The following FHIT variants were observed in gnomAD, a reference collection of about 807,000 sequenced individuals.
FHIT encodes bis(5'-adenosyl)-triphosphatase.
In FHIT, 19 loss-of-function variants were observed where a neutral mutation model predicts 17.9. The ratio of observed to expected loss-of-function variants is 1.06; its 90% CI spans 0.74 to 1.56. The LOEUF is 1.56. Ranked by LOEUF, FHIT falls within the 40% of genes most tolerant of loss-of-function variation. The pLI, the probability that FHIT is intolerant of heterozygous loss-of-function variation, is 0.00. For synonymous variants in FHIT, 81 were observed against 69.7 expected (o/e 1.16, Z -0.81); for missense variants, 248 against 189.2 (o/e 1.31, Z -1.82).
At chr3:60,412,182 G>A (rs547842691) in intron 5 of FHIT, among the ~76,000 whole-genome samples, 2 of 152,170 alleles carry the variant, frequency 1.3e-5, no homozygotes, top group African/African-American at 2.4e-5. Flanking sequence ...TCAGTCTAGC[G>A]TGGGCAACAT....
intron 4 of FHIT, among the ~76,000 whole-genome samples, chr3:60,629,273 A>G (rs2039378733): frequency 6.6e-6 from 1 of 152,164 alleles, no homozygotes; most frequent in Non-Finnish European, 1.5e-5. Context: ...ACAGAGCTAC[A>G]TGAAAGGGAT....
At chr3:60,622,902 C>A (rs1248830534) in intron 4 of FHIT, among the ~76,000 whole-genome samples, 1 of 152,232 alleles carries the variant, frequency 6.6e-6, no homozygotes, top group African/African-American at 2.4e-5. Flanking sequence ...CTCCCAGGCT[C>A]CTGCACCCAA....
chr3:59,814,045 T>TACACACACACAC (rs144355020), intron 8 of FHIT, among the ~76,000 whole-genome samples: 14,357 of 146,692 alleles, frequency 0.098, 740 homozygotes, highest in South Asian at 0.16. Flanking sequence ...AATTTACACA[T>TACACACACACAC]ACACACACAC....
intron 7 of FHIT, among the ~76,000 whole-genome samples, chr3:59,962,417 G>A (rs1707730124): frequency 6.6e-6 from 1 of 152,128 alleles, no homozygotes; most frequent in African/African-American, 2.4e-5. Context: ...ATACTTTCCA[G>A]AATCACCTTA....
chr3:60,536,568 T>C (rs1308344534), intron 5 of FHIT: 2 of 289,346 alleles, frequency 6.9e-6, no homozygotes, highest in Non-Finnish European at 1.3e-5. Flanking sequence ...ATTTATTTAC[T>C]CAGCTATGGT....
intron 3 of FHIT, among the ~76,000 whole-genome samples, chr3:60,890,795 A>T (rs1705476337): frequency 6.6e-6 from 1 of 152,184 alleles, no homozygotes; most frequent in Non-Finnish European, 1.5e-5. Context: ...ATTCATGACT[A>T]CATAACATGG....
At chr3:60,148,485 T>C (rs2107322095) in intron 5 of FHIT, among the ~76,000 whole-genome samples, 1 of 152,324 alleles carries the variant, frequency 6.6e-6, no homozygotes, top group Non-Finnish European at 1.5e-5. Flanking sequence ...AATTTTAACT[T>C]TGGATATTTT....
At chr3:60,144,560 A>G (rs141835336) in intron 5 of FHIT, among the ~76,000 whole-genome samples, 215 of 152,266 alleles carry the variant, frequency 1.4e-3, no homozygotes, top group African/African-American at 4.9e-3. Context: ...TAAGTCTTGA[A>G]CATTTTCTCA....
intron 5 of FHIT, among the ~76,000 whole-genome samples, chr3:60,112,146 A>C (rs1012578199): frequency 6.6e-6 from 1 of 152,196 alleles, no homozygotes; most frequent in Non-Finnish European, 1.5e-5. Context: ...AACCCATTCT[A>C]GATATTTTAA....
intron 5 of FHIT, among the ~76,000 whole-genome samples, chr3:60,107,586 T>C (rs2107165872): frequency 6.6e-6 from 1 of 152,302 alleles, no homozygotes; most frequent in Admixed American, 6.5e-5. Context: ...CCTTATTTGC[T>C]CTATCCCATT....
At chr3:59,971,653 G>A (rs1708188921) in intron 7 of FHIT, among the ~76,000 whole-genome samples, 1 of 152,160 alleles carries the variant, frequency 6.6e-6, no homozygotes, top group South Asian at 2.1e-4. Flanking sequence ...ACCAATGGGA[G>A]AAAAGGGTCT....
At chr3:59,804,363 G>C (rs890482021) in intron 8 of FHIT, among the ~76,000 whole-genome samples, 4 of 152,226 alleles carry the variant, frequency 2.6e-5, no homozygotes, top group African/African-American at 9.7e-5. Context: ...CATAAGGCTA[G>C]GTTTTCCCTT....
intron 5 of FHIT, among the ~76,000 whole-genome samples, chr3:60,071,882 G>A (rs1702788750): frequency 6.6e-6 from 1 of 152,156 alleles, no homozygotes; most frequent in Admixed American, 6.6e-5. Flanking sequence ...GTTTTATAAA[G>A]CGGAGTTCCC....
At chr3:60,970,687 T>A (rs995075754) in intron 3 of FHIT, among the ~76,000 whole-genome samples, 2 of 152,232 alleles carry the variant, frequency 1.3e-5, no homozygotes, top group African/African-American at 4.8e-5. Context: ...TTGATACTTT[T>A]ATCCTGTCTG....
chr3:61,124,775 G>T (rs2036560752), intron 2 of FHIT, among the ~76,000 whole-genome samples: 1 of 152,154 alleles, frequency 6.6e-6, no homozygotes, highest in African/African-American at 2.4e-5. Flanking sequence ...CTAACTGAAT[G>T]AAATGTTAAC....
chr3:59,844,970 C>T (rs745929997), intron 8 of FHIT, among the ~76,000 whole-genome samples: 8 of 152,090 alleles, frequency 5.3e-5, no homozygotes, highest in Non-Finnish European at 1.0e-4. Flanking sequence ...GATTTAATCT[C>T]CTTACTAGTT....
At chr3:59,878,381 G>A (rs73100626) in intron 8 of FHIT, among the ~76,000 whole-genome samples, 3,321 of 152,250 alleles carry the variant, frequency 0.022, 46 homozygotes, top group South Asian at 0.064. Context: ...CTGTGTGGAT[G>A]TACTTACTCC....
intron 8 of FHIT, among the ~76,000 whole-genome samples, chr3:59,899,195 A>G (rs532081181): frequency 2.8e-4 from 42 of 152,326 alleles, no homozygotes; most frequent in African/African-American, 9.9e-4. Context: ...CAGAAATAAG[A>G]GCTGACATTA....
intron 3 of FHIT, among the ~76,000 whole-genome samples, chr3:61,029,994 G>A (rs1467435758): frequency 6.6e-6 from 1 of 152,170 alleles, no homozygotes; most frequent in African/African-American, 2.4e-5. Context: ...GTTTGAGACA[G>A]GGACTCACTC....
Sources: gnomAD v4.1 joint callset for allele counts (sites outside exome capture counted in the v4.1 genomes callset) on GRCh38, gnomAD v4.1.1 for gene constraint, MANE v1.5 for transcripts, NCBI Gene and HGNC (gene_info 2026-07-23, HGNC 2026-07-21) for gene names.